ADGRB3: variants seen among roughly 807,000 people sequenced by gnomAD.
The protein encoded by ADGRB3 is brain-specific angiogenesis inhibitor 3.
A neutral mutation model predicts 193.4 loss-of-function variants in ADGRB3; 37 were observed. The ratio of observed to expected loss-of-function variants is 0.19; its 90% CI spans 0.15 to 0.25. ADGRB3 has a LOEUF of 0.25. Among genes scored for constraint, ADGRB3 ranks in the 10% least tolerant of loss-of-function variants. The probability of loss-of-function intolerance (pLI) is 1.00; values close to 1 mark genes in which losing one functional copy is unlikely to be tolerated. For synonymous variants in ADGRB3, 690 were observed against 644.2 expected (o/e 1.07, Z -1.08); for missense variants, 1,637 against 1,852.9 (o/e 0.88, Z 2.14).
intron 20 of ADGRB3, among the ~76,000 whole-genome samples, chr6:69,288,446 C>A (rs561014444): frequency 6.6e-6 from 1 of 151,996 alleles, no homozygotes; most frequent in Non-Finnish European, 1.5e-5. Flanking sequence ...ATTGCAGCAC[C>A]GTTCACGATA....
At chr6:69,250,096 A>G (rs1766589141) in intron 20 of ADGRB3, among the ~76,000 whole-genome samples, 1 of 152,204 alleles carries the variant, frequency 6.6e-6, no homozygotes, top group African/African-American at 2.4e-5. Context: ...TTGTTAAACT[A>G]CAATACACAT....
chr6:68,731,354 AT>A (rs1300885597), intron 3 of ADGRB3, among the ~76,000 whole-genome samples: 2 of 151,664 alleles, frequency 1.3e-5, no homozygotes, highest in Admixed American at 6.6e-5. Context: ...TACAAAAAAA[AT>A]ACATTGTAAG....
intron 8 of ADGRB3, among the ~76,000 whole-genome samples, chr6:68,961,395 C>T (rs1222028592): frequency 6.6e-6 from 1 of 152,100 alleles, no homozygotes; most frequent in Non-Finnish European, 1.5e-5. Flanking sequence ...AGTATATTTT[C>T]CCTGCCTCTT....
At chr6:68,982,163 A>G (rs542754029) in intron 10 of ADGRB3, among the ~76,000 whole-genome samples, 1 of 152,034 alleles carries the variant, frequency 6.6e-6, no homozygotes, top group Admixed American at 6.6e-5. Flanking sequence ...TTATAACTCT[A>G]AGATCTGCAT....
At chr6:69,381,756 G>T (rs1769950636) in intron 30 of ADGRB3, among the ~76,000 whole-genome samples, 2 of 151,810 alleles carry the variant, frequency 1.3e-5, no homozygotes, top group Admixed American at 1.3e-4. Flanking sequence ...TGAAACAATG[G>T]ACCAAATATT....
chr6:69,335,610 A>G (rs1768828808), intron 24 of ADGRB3, among the ~76,000 whole-genome samples: 2 of 152,248 alleles, frequency 1.3e-5, no homozygotes, highest in Non-Finnish European at 2.9e-5. Flanking sequence ...TGGAAGCTAT[A>G]GAGGTTTGAA....
chr6:69,048,489 G>A (rs549725950), intron 14 of ADGRB3, among the ~76,000 whole-genome samples, 155 bp downstream of exon 14: 22 of 152,080 alleles, frequency 1.4e-4, no homozygotes, highest in East Asian at 3.9e-4. Context: ...ACTTATTCTC[G>A]GTTTCAGAGT....
intron 3 of ADGRB3, among the ~76,000 whole-genome samples, chr6:68,661,126 A>C (rs1458195537): frequency 1.3e-5 from 2 of 150,150 alleles, no homozygotes; most frequent in Non-Finnish European, 3.0e-5. Context: ...ATAGTATTAC[A>C]TGAGATAGTA....
At chr6:69,387,461 C>A (rs192944855) in intron 31 of ADGRB3, among the ~76,000 whole-genome samples, 110 of 151,428 alleles carry the variant, frequency 7.3e-4, no homozygotes, top group African/African-American at 2.6e-3. Flanking sequence ...TTACTATTAA[C>A]CTTTCTTCCC....
Position 68,927,388 on chromosome 6 carries a change from C to G in ADGRB3, c.758-3171C>G, listed in dbSNP as rs955335832. 1.3e-5 allele frequency among the ~76,000 whole-genome samples: 2 copies of G among 152,064 alleles called. 1 individual carries two copies. ...CTACTATGCTAAAAGTTTACCTCAA[C>G]CCACATTCACCACATAAAATAATAG... On this transcript the variant is annotated intron_variant, in intron 3 of 31. Coordinates refer to ENST00000370598, the MANE Select transcript of ADGRB3 (RefSeq NM_001704.3).
intron 3 of ADGRB3, among the ~76,000 whole-genome samples, chr6:68,765,924 GA>G (rs1260646258): frequency 2.0e-5 from 3 of 151,646 alleles, no homozygotes; most frequent in Non-Finnish European, 2.9e-5. Flanking sequence ...ACATGTGTCT[GA>G]AAAAAATGTT....
At chr6:68,944,378 C>G (rs976563741) in intron 6 of ADGRB3, among the ~76,000 whole-genome samples, 1 of 152,088 alleles carries the variant, frequency 6.6e-6, no homozygotes, top group Non-Finnish European at 1.5e-5. Flanking sequence ...CTATGTTATT[C>G]TCTTACACTT....
At chr6:68,950,545 AAGAT>A (rs1267315389) in intron 6 of ADGRB3, among the ~76,000 whole-genome samples, 2 of 152,168 alleles carry the variant, frequency 1.3e-5, no homozygotes, top group African/African-American at 4.8e-5. Context: ...TAACCTCAAA[AAGAT>A]AGAAATTTTG....
At chr6:69,309,945 C>T (rs528112244) in intron 20 of ADGRB3, among the ~76,000 whole-genome samples, 1 of 151,702 alleles carries the variant, frequency 6.6e-6, no homozygotes, top group African/African-American at 2.4e-5. Flanking sequence ...CCCAAAAACA[C>T]ATTTCCCTTC....
chr6:69,303,668 T>TA (rs528317039), intron 20 of ADGRB3, among the ~76,000 whole-genome samples: 6 of 151,006 alleles, frequency 4.0e-5, no homozygotes, highest in East Asian at 2.0e-4. Context: ...ATCTGAAACT[T>TA]AAAAAAAAAA....
intron 17 of ADGRB3, among the ~76,000 whole-genome samples, chr6:69,214,351 G>A (rs186087073): frequency 1.6e-4 from 24 of 152,230 alleles, no homozygotes; most frequent in Admixed American, 9.8e-4. Context: ...CTTGAGTATT[G>A]TAGTCAGTGC....
intron 3 of ADGRB3, among the ~76,000 whole-genome samples, chr6:68,755,408 G>T (rs1766279876): frequency 6.6e-6 from 1 of 152,116 alleles, no homozygotes; most frequent in African/African-American, 2.4e-5. Context: ...ACATTAGAGA[G>T]AAGGATAAGA....
intron 17 of ADGRB3, among the ~76,000 whole-genome samples, chr6:69,187,635 T>A (rs988300816): frequency 2.6e-5 from 4 of 152,210 alleles, no homozygotes; most frequent in African/African-American, 4.8e-5. Context: ...TCTTGGAGTT[T>A]AGGCAGCTTA....
chr6:69,165,486 G>A (rs1332580094), intron 17 of ADGRB3, among the ~76,000 whole-genome samples: 1 of 151,348 alleles, frequency 6.6e-6, no homozygotes, highest in Non-Finnish European at 1.5e-5. Flanking sequence ...TGGATGCCAT[G>A]TATCATCCTG....
Sources: allele counts gnomAD v4.1 joint callset (sites outside exome capture counted in the v4.1 genomes callset), GRCh38; gene constraint gnomAD v4.1.1; transcripts MANE v1.5; gene names NCBI Gene and HGNC (gene_info 2026-07-23, HGNC 2026-07-21).